SLC5A12: variants seen among roughly 807,000 people sequenced by gnomAD.
The protein encoded by SLC5A12 is sodium-coupled monocarboxylate transporter 2.
SLC5A12 carries 46 observed loss-of-function variants against 72.7 expected under a neutral mutation model. The ratio of observed to expected loss-of-function variants is 0.63; its 90% CI spans 0.50 to 0.81. The LOEUF (loss-of-function observed/expected upper bound fraction) is 0.81, where lower values mean the gene tolerates loss of function less well. Among genes scored for constraint, SLC5A12 ranks in the 30% least tolerant of loss-of-function variants. The pLI, the probability that SLC5A12 is intolerant of heterozygous loss-of-function variation, is 0.00. For synonymous variants in SLC5A12, 275 were observed against 264.4 expected (o/e 1.04, Z -0.39); for missense variants, 683 against 740.7 (o/e 0.92, Z 0.90).
intron 4 of SLC5A12, among the ~76,000 whole-genome samples, chr11:26,705,923 CAT>C (rs1174777311): frequency 1.1e-5 from 1 of 87,564 alleles, no homozygotes; most frequent in Admixed American, 1.3e-4. Context: ...TTTTCTCTGT[CAT>C]ACACACACAC....
chr11:26,712,795 G>GC, intron 1 of SLC5A12, 89 bp from the exon 2 acceptor site: 1 of 800,120 alleles, frequency 1.2e-6, no homozygotes, highest in Non-Finnish European at 2.0e-6. Flanking sequence ...ATCCTCTGTT[G>GC]TGCTCTGGAC....
At chr11:26,682,146 A>T (rs1404226219) in intron 11 of SLC5A12, among the ~76,000 whole-genome samples, 2 of 151,986 alleles carry the variant, frequency 1.3e-5, no homozygotes, top group East Asian at 3.9e-4. Context: ...GACAATACCC[A>T]AGCAGAAGAG....
chr11:26,676,126 C>T (rs899817114), intron 13 of SLC5A12, among the ~76,000 whole-genome samples: 7 of 152,070 alleles, frequency 4.6e-5, no homozygotes, highest in Admixed American at 3.3e-4. Flanking sequence ...TGTCTCTCAT[C>T]GTTATACAGA....
rs185694859 is a variant in SLC5A12, at chr11:26,689,548, A to T, written c.1153+2941T>A. Among the ~76,000 whole-genome samples, 548 of 152,314 alleles carry T rather than the reference A, an allele frequency of 3.6e-3. 1 individual carries two copies. The highest frequency in any genetic ancestry group is 0.012 in the African/African-American group (495 of 41,570). ...AAAGAATGACTAGAGAAGGCATAGG[A>T]GAACTTTCCACGGTGAAGGTCACAT... On this transcript the variant is annotated intron_variant, in intron 9 of 14. Coordinates refer to ENST00000396005, the MANE Select transcript of SLC5A12 (RefSeq NM_178498.4).
intron 14 of SLC5A12, 98 bp downstream of exon 14, chr11:26,673,304 T>C: frequency 7.8e-7 from 1 of 1,281,702 alleles, no homozygotes; most frequent in South Asian, 2.2e-5. Flanking sequence ...ACTCACTGCT[T>C]TCCCTTTCCA....
rs756778770 is a variant in SLC5A12, at chr11:26,698,500, A to T, written c.857T>A (p.Ile286Asn). The change falls in exon 7 of 15, where the codon ATT becomes AAT. Residue 286 changes from isoleucine (I) to asparagine (N), a missense_variant. Coordinates refer to ENST00000396005, the MANE Select transcript of SLC5A12 (RefSeq NM_178498.4). ...GCCAGAGAAGACAGCACACACCAGA[A>T]TGATCCAGAGACCCAGCAAGTTAAA... ...LYFNLLGLWI[I>N]LVCAVFSGLI... The T allele has an allele frequency of 6.2e-7, 1 of 1,614,040 alleles. No homozygotes were observed. The highest frequency in any genetic ancestry group is 8.5e-7 in the Non-Finnish European group (1 of 1,179,942).
intron 4 of SLC5A12, among the ~76,000 whole-genome samples, chr11:26,705,657 T>C (rs1440769135): frequency 6.6e-6 from 1 of 152,050 alleles, no homozygotes; most frequent in Admixed American, 6.6e-5. Flanking sequence ...TGTTACCTCC[T>C]AGGTAGCACT....
intron 2 of SLC5A12, 73 bp from the exon 3 acceptor site, chr11:26,711,431 T>C (rs1855226788): frequency 8.7e-7 from 1 of 1,146,098 alleles, no homozygotes; most frequent in Non-Finnish European, 1.3e-6. Context: ...GAAAGTTCTT[T>C]ATCGACGTTA....
At chr11:26,683,095 C>T (rs1854447404) in intron 11 of SLC5A12, among the ~76,000 whole-genome samples, 1 of 152,068 alleles carries the variant, frequency 6.6e-6, no homozygotes, top group African/African-American at 2.4e-5. Flanking sequence ...TGTAAGTGTG[C>T]ACATGGCAAT....
At chr11:26,682,949 T>C (rs372320552) in intron 11 of SLC5A12, among the ~76,000 whole-genome samples, 89 of 152,238 alleles carry the variant, frequency 5.8e-4, no homozygotes, top group African/African-American at 1.5e-3. Flanking sequence ...GAAAGGTCAA[T>C]AAGGGTCAGG....
chr11:26,703,425 T>TGCAC, intron 6 of SLC5A12, 106 bp downstream of exon 6: 1 of 882,104 alleles, frequency 1.1e-6, no homozygotes, highest in Non-Finnish European at 1.7e-6. Flanking sequence ...CACACATACA[T>TGCAC]ACACACACAC....
rs1412593752 is a variant in SLC5A12, at chr11:26,720,555, A to G, written c.339+821T>C. On this transcript the variant is annotated intron_variant, in intron 1 of 14. Transcript: ENST00000396005. ...CTAGAATAATGTTTTATACTCATAT[A>G]GCTTACATATTTAAAAAAAAATAGG... 2.0e-5 allele frequency among the ~76,000 whole-genome samples: 3 copies of G among 151,988 alleles called. No individual in the cohort carries two copies. In the South Asian group the frequency reaches 6.2e-4, roughly 31 times the overall value.
chr11:26,680,315 ATG>A (rs1854368087), intron 12 of SLC5A12, among the ~76,000 whole-genome samples: 1 of 127,232 alleles, frequency 7.9e-6, no homozygotes, highest in East Asian at 2.1e-4. Context: ...ATATATATAT[ATG>A]TATATATATT....
At chr11:26,692,407 C>T (rs2133170972) in intron 9 of SLC5A12, 82 bp downstream of exon 9, 1 of 926,198 alleles carries the variant, frequency 1.1e-6, no homozygotes, top group Non-Finnish European at 1.8e-6. Context: ...TAAGTGTGTC[C>T]TGAATAGCAC....
At chr11:26,700,874 T>C (rs1445622923) in intron 6 of SLC5A12, among the ~76,000 whole-genome samples, 2 of 152,240 alleles carry the variant, frequency 1.3e-5, no homozygotes, top group East Asian at 3.8e-4. Context: ...CCACTCCTGA[T>C]TCTAACCCAT....
chr11:26,698,596 C>T, intron 6 of SLC5A12, 61 bp from the exon 7 acceptor site: 1 of 1,529,100 alleles, frequency 6.5e-7, no homozygotes, highest in Non-Finnish European at 8.9e-7. Context: ...GTGGTGAGGT[C>T]ATTACCAGGT....
At chr11:26,718,427 G>A (rs776576127) in intron 1 of SLC5A12, among the ~76,000 whole-genome samples, 16 of 152,146 alleles carry the variant, frequency 1.1e-4, no homozygotes, top group Admixed American at 5.2e-4. Flanking sequence ...GACACTGAAA[G>A]CCAAGTCAAC....
intron 3 of SLC5A12, 96 bp from the exon 4 acceptor site, chr11:26,709,475 TC>T (rs1855169962): frequency 1.0e-5 from 9 of 861,568 alleles, no homozygotes; most frequent in Non-Finnish European, 1.6e-5. Flanking sequence ...TTATCAGTGT[TC>T]TTTGTAGGCA....
At chr11:26,705,312 A>G (rs1648058635) in intron 4 of SLC5A12, among the ~76,000 whole-genome samples, 1 of 152,036 alleles carries the variant, frequency 6.6e-6, no homozygotes, top group Non-Finnish European at 1.5e-5. Context: ...TCTATGTGGG[A>G]TGAGCAAGTG....
Sources: gnomAD v4.1 joint callset for allele counts (sites outside exome capture counted in the v4.1 genomes callset) on GRCh38, gnomAD v4.1.1 for gene constraint, MANE v1.5 for transcripts, NCBI Gene and HGNC (gene_info 2026-07-23, HGNC 2026-07-21) for gene names.